BBS2: variants seen among roughly 807,000 people sequenced by gnomAD.
The protein encoded by BBS2 is BBSome complex member BBS2.
BBS2 carries 62 observed loss-of-function variants against 83.0 expected under a neutral mutation model. The ratio of observed to expected loss-of-function variants is 0.75; its 90% CI spans 0.61 to 0.92. The LOEUF (loss-of-function observed/expected upper bound fraction) is 0.92. Among genes scored for constraint, BBS2 ranks in the 40% least tolerant of loss-of-function variants. The pLI, the probability that BBS2 is intolerant of heterozygous loss-of-function variation, is 0.00. For synonymous variants in BBS2, 303 were observed against 326.1 expected, an observed-to-expected ratio of 0.93 and a Z score of 0.76; for missense variants, 784 against 901.0, an observed-to-expected ratio of 0.87 and a Z score of 1.66.
intron 2 of BBS2, 127 bp downstream of exon 2, chr16:56,514,326 G>T: frequency 1.2e-6 from 1 of 864,206 alleles, no homozygotes; most frequent in Non-Finnish European, 1.9e-6. Context: ...AAATCTCCAT[G>T]TTGTTTACCT....
Position 56,498,706 on chromosome 16 carries a change from GA to G in BBS2, c.1528-139del, listed in dbSNP as rs754931581. 33,998 of 966,952 alleles carry G rather than the reference GA, an allele frequency of 0.035. No homozygotes were observed. The highest frequency in any genetic ancestry group is 0.064 in the East Asian group (1,610 of 25,112). The allele number at this position is 966,952 out of a possible 1,614,324, so 59.9% of individuals were successfully genotyped here. A position where few individuals can be genotyped will look rare whatever the true frequency, so the allele number is the denominator to read the frequency against. On this transcript the variant is annotated intron_variant, in intron 12 of 16. Transcript: ENST00000245157. ...CTTTCTAGTTTTACTGCTTTGTTGA[GA>G]AAAAAAAAAAAGAATTATACTTCAT... is the stretch of plus-strand genomic sequence containing the variant.
intron 15 of BBS2, among the ~76,000 whole-genome samples, chr16:56,489,891 C>T (rs1439247466): frequency 2.6e-5 from 4 of 151,772 alleles, no homozygotes; most frequent in Non-Finnish European, 4.4e-5. Context: ...TGACAGGCCA[C>T]GGCAGGCAGA....
chr16:56,516,156 A>G (rs1964742212), intron 1 of BBS2: 1 of 152,202 alleles, frequency 6.6e-6, no homozygotes. Flanking sequence ...CTCTACACTC[A>G]AAGAGAGTCC....
intron 1 of BBS2, among the ~76,000 whole-genome samples, chr16:56,516,408 G>GT (rs1305190763): frequency 6.6e-6 from 1 of 152,104 alleles, no homozygotes; most frequent in East Asian, 1.9e-4. Flanking sequence ...TTATTTATAT[G>GT]TTTTTTGAGA....
intron 15 of BBS2, among the ~76,000 whole-genome samples, chr16:56,494,196 G>A (rs1964046322): frequency 7.2e-6 from 1 of 139,464 alleles, no homozygotes; most frequent in Admixed American, 7.8e-5. Context: ...TCGAATCCCT[G>A]GGCTCATGTG....
rs761254217 is a variant in BBS2, at chr16:56,475,571, TTTC to T, written c.*1-4879_*1-4877del. On this transcript the variant is annotated intron_variant, in intron 17 of 17. Coordinates refer to the BBS2 transcript ENST00000682047. ...CCAAAGGTGAAGATGAAGAGGTAAG[TTTC>T]TTCTGATAGCAAACTATCATTTTTA... The T allele has an allele frequency of 2.0e-4, 315 of 1,612,528 alleles. No individual in the cohort carries two copies. In the African/African-American group the frequency reaches 3.6e-3, roughly 19 times the overall value.
chr16:56,480,908 C>G (rs1331283689), downstream of BBS2, among the ~76,000 whole-genome samples: 1 of 152,084 alleles, frequency 6.6e-6, no homozygotes. Context: ...TGTGACATCA[C>G]TTTTAGGAAA....
intron 15 of BBS2, among the ~76,000 whole-genome samples, chr16:56,487,670 T>A (rs1158725426): frequency 6.6e-6 from 1 of 152,186 alleles, no homozygotes; most frequent in Non-Finnish European, 1.5e-5. Flanking sequence ...TGCAGCAGCA[T>A]CAGTTCTCCC....
rs1964144450 is a variant in BBS2, at chr16:56,497,375, G to A, written c.1798-296C>T. On this transcript the variant is annotated intron_variant, in intron 14 of 16. Coordinates refer to ENST00000245157, the MANE Select transcript of BBS2 (RefSeq NM_031885.5). ...GCAGTGGGAATATTGTATACTTTGGGGCCAATCAGAATCATCTTTATTTTG... is the reference window on the plus strand; with the variant it reads ...GCAGTGGGAATATTGTATACTTTGGAGCCAATCAGAATCATCTTTATTTTG... The A allele has an allele frequency of 1.6e-5, 8 of 507,170 alleles. No homozygotes were observed. In the South Asian group the frequency reaches 1.7e-4, roughly 11 times the overall value. 31.4% of individuals were successfully genotyped at this position (507,170 alleles called of 1,614,324 possible). A position where few individuals can be genotyped will look rare whatever the true frequency, so the allele number is the denominator to read the frequency against.
chr16:56,470,854 C>T lies in BBS2; in HGVS notation c.*1-159G>A, dbSNP rs139485772. Reference sequence around the variant, plus strand: ...ACCATTCACCATTCAAACATGTATTCATTCAACAAACATTTATTGAGCATC... The same window carrying T: ...ACCATTCACCATTCAAACATGTATTTATTCAACAAACATTTATTGAGCATC... On this transcript the variant is annotated intron_variant, in intron 17 of 17. Transcript: ENST00000682047. The T allele has an allele frequency of 4.2e-6, 6 of 1,430,206 alleles. No individual in the cohort carries two copies. In the African/African-American group the frequency reaches 8.6e-5, roughly 21 times the overall value. 88.6% of individuals were successfully genotyped at this position (1,430,206 alleles called of 1,614,324 possible). A position where few individuals can be genotyped will look rare whatever the true frequency, so the allele number is the denominator to read the frequency against.
chr16:56,478,931 G>T (rs2144079752), intron 17 of BBS2: 1 of 152,354 alleles, frequency 6.6e-6, no homozygotes, highest in Admixed American at 6.5e-5. Context: ...ACTGAAGATA[G>T]ATACACAGTG....
intron 2 of BBS2, among the ~76,000 whole-genome samples, chr16:56,513,226 G>C (rs1458221227): frequency 6.6e-6 from 1 of 152,084 alleles, no homozygotes; most frequent in Non-Finnish European, 1.5e-5. Context: ...TCAGGGAAGT[G>C]GTCAAAGAGA....
intron 15 of BBS2, among the ~76,000 whole-genome samples, chr16:56,492,839 T>A (rs1387204979): frequency 2.6e-5 from 4 of 152,204 alleles, no homozygotes; most frequent in Non-Finnish European, 5.9e-5. Flanking sequence ...AAATTCTGTA[T>A]GCATGTATCA....
chr16:56,512,572 T>C (rs1001863383), intron 2 of BBS2, among the ~76,000 whole-genome samples: 1 of 152,084 alleles, frequency 6.6e-6, no homozygotes, highest in African/African-American at 2.4e-5. Flanking sequence ...TATGCAACAA[T>C]ATGGATAATT....
intron 11 of BBS2, chr16:56,500,624 CAAA>C (rs1304358431): frequency 0.017 from 4,803 of 286,146 alleles, no homozygotes; most frequent in Middle Eastern, 0.024. Flanking sequence ...GAATCTGTCT[CAAA>C]AAAAAAAAAA....
chr16:56,477,546 T>G (rs1963537084), intron 17 of BBS2: 2 of 152,228 alleles, frequency 1.3e-5, no homozygotes, highest in African/African-American at 4.8e-5. Context: ...TATAACTAAT[T>G]GCTTTTTATT....
Position 56,501,032 on chromosome 16 carries a change from G to C in BBS2, c.1226-7C>G, listed in dbSNP as rs1399847697. The C allele has an allele frequency of 6.2e-7, 1 of 1,613,984 alleles. No individual in the cohort carries two copies. The highest frequency in any genetic ancestry group is 1.3e-5 in the African/African-American group (1 of 74,922). Reference sequence around the variant, plus strand: ...ACTGCTCGGATGATGGTGTCTGCAGGGAAGAGTAAAAACAGTTTAAGAACA... The same window carrying C: ...ACTGCTCGGATGATGGTGTCTGCAGCGAAGAGTAAAAACAGTTTAAGAACA... On this transcript the variant is annotated splice_polypyrimidine_tract_variant and splice_region_variant and intron_variant, in intron 10 of 16. Transcript: ENST00000245157.
intron 17 of BBS2, chr16:56,476,387 A>T (rs14306): frequency 2.6e-5 from 11 of 427,496 alleles, no homozygotes; most frequent in Admixed American, 1.3e-4. Context: ...CTTGCAGCTA[A>T]GTACTTATCT....
intron 7 of BBS2, among the ~76,000 whole-genome samples, chr16:56,503,546 A>G (rs1259688890): frequency 6.6e-6 from 1 of 152,152 alleles, no homozygotes; most frequent in African/African-American, 2.4e-5. Context: ...TCCCATTTCC[A>G]AGAGAGAGAA....
Sources: allele counts gnomAD v4.1 joint callset (sites outside exome capture counted in the v4.1 genomes callset), GRCh38; gene constraint gnomAD v4.1.1; transcripts MANE v1.5; gene names NCBI Gene and HGNC (gene_info 2026-07-23, HGNC 2026-07-21).